CYP2F1: variants seen among roughly 807,000 people sequenced by gnomAD.
CYP2F1 encodes the protein cytochrome P450 family 2 subfamily F member 1.
Under a neutral mutation model 40.4 loss-of-function variants are expected in CYP2F1, and 33 were observed. The ratio of observed to expected loss-of-function variants is 0.82; its 90% CI spans 0.62 to 1.09. The LOEUF is 1.09. CYP2F1 is among the 50% of genes least tolerant of loss of function. The probability of loss-of-function intolerance (pLI) is 0.00; values close to 1 mark genes in which losing one functional copy is unlikely to be tolerated. For synonymous variants in CYP2F1, 235 were observed against 277.2 expected (o/e 0.85, Z 1.51); for missense variants, 566 against 655.7 (o/e 0.86, Z 1.49).
rs140968652 is a variant in CYP2F1, at chr19:41,116,240, C to T, written c.52C>T (p.Leu18=). The T allele has an allele frequency of 3.4e-4, 541 of 1,614,118 alleles. 1 individual carries two copies. The highest frequency in any genetic ancestry group is 4.3e-4 in the Non-Finnish European group (513 of 1,180,012). ...ILLLLLALVC[L]LLTLSSRDKG... Reference sequence around the variant, plus strand: ...ACTCCTGCTCCTGGCTCTCGTCTGTCTGCTCCTGACCCTAAGCTCAAGAGA... The same window carrying T: ...ACTCCTGCTCCTGGCTCTCGTCTGTTTGCTCCTGACCCTAAGCTCAAGAGA... The change falls in exon 2 of 10, where the codon CTG becomes TTG. Residue 18 remains leucine, a synonymous_variant. Transcript: ENST00000331105.
rs903000017 is a variant in CYP2F1, at chr19:41,128,164, T to C, written c.*82T>C. ...TACGTCCCCTTCTTGGTCCACAGTC[T>C]GCCCTCATCCCTCTGGCAGTCACGC... On this transcript the variant is annotated 3_prime_UTR_variant, in exon 10 of 10. Transcript: ENST00000331105. 12 of 1,383,144 alleles carry C rather than the reference T, an allele frequency of 8.7e-6. No homozygotes were observed. Among genetic ancestry groups the C allele is most frequent in the Non-Finnish European group, 1.2e-5 (12 of 1,026,096 alleles). 85.7% of individuals were successfully genotyped at this position (1,383,144 alleles called of 1,614,324 possible).
In CYP2F1 at chr19:41,128,124, G is replaced by GA. The variant is rs774602591; in HGVS notation, c.*42_*43insA. On this transcript the variant is annotated 3_prime_UTR_variant, in exon 10 of 10. Transcript: ENST00000331105. ...GATTCGCCTGTGAGCGATGAGGCCC[G>GA]CCCATGCGGGTTGCTACGTCCCCTT... The GA allele has an allele frequency of 6.5e-7, 1 of 1,541,454 alleles. No individual in the cohort carries two copies. The highest frequency in any genetic ancestry group is 8.7e-7 in the Non-Finnish European group (1 of 1,145,698).
chr19:41,119,721 CTCTA>C (rs1324111615), intron 3 of CYP2F1, among the ~76,000 whole-genome samples: 16 of 37,124 alleles, frequency 4.3e-4, no homozygotes, highest in Admixed American at 7.0e-4. Flanking sequence ...CTCTCTCTCT[CTCTA>C]TATATATATA....
intron 3 of CYP2F1, 68 bp downstream of exon 3, chr19:41,116,685 G>C: frequency 1.3e-6 from 2 of 1,536,696 alleles, no homozygotes; most frequent in Non-Finnish European, 1.8e-6. Flanking sequence ...GAGGGTGAGA[G>C]ACTGTTGTCT....
Position 41,121,441 on chromosome 19 carries a change from GC to G in CYP2F1, c.485-16del. 6.2e-7 allele frequency: 1 copy of G among 1,604,636 alleles called. No individual in the cohort carries two copies. The highest frequency in any genetic ancestry group is 8.5e-7 in the Non-Finnish European group (1 of 1,177,354). On this transcript the variant is annotated splice_polypyrimidine_tract_variant and intron_variant, in intron 4 of 9. Coordinates refer to ENST00000331105, the MANE Select transcript of CYP2F1 (RefSeq NM_000774.5). ...GCACATCGCGTCTTCCTGATCCATT[GC>G]ACTCCTTACCCTCAGGCGAGCCCTT...
chr19:41,122,070 G>A lies in CYP2F1; in HGVS notation c.759G>A (p.Gln253=). Residue 253 remains glutamine (Q), a synonymous_variant, in exon 6 of 10, where the codon CAG becomes CAA. Transcript: ENST00000331105. ...TCGCCCACAGCGTCCACGACCACCA[G>A]GCCTCGCTAGACCCCAGATCTCCCC... ...DLIAHSVHDH[Q]ASLDPRSPRD... 1 of 1,606,168 alleles carries A rather than the reference G, an allele frequency of 6.2e-7. No individual in the cohort carries two copies. Among genetic ancestry groups the A allele is most frequent in the Non-Finnish European group, 8.5e-7 (1 of 1,175,296 alleles).
chr19:41,122,109 G>A lies in CYP2F1; in HGVS notation c.798G>A (p.Gln266=). ...CCAGATCTCCCCGGGACTTCATCCA[G>A]TGCTTCCTCACCAAGATGGCAGAGG... ...LDPRSPRDFI[Q]CFLTKMAEEK... The change falls in exon 6 of 10, where the codon CAG becomes CAA. Residue 266 remains glutamine, a synonymous_variant. Transcript: ENST00000331105. The A allele has an allele frequency of 6.8e-7, 1 of 1,479,444 alleles. No homozygotes were observed. Among genetic ancestry groups the A allele is most frequent in the Non-Finnish European group, 9.3e-7 (1 of 1,080,494 alleles). 91.6% of individuals were successfully genotyped at this position (1,479,444 alleles called of 1,614,324 possible).
At chr19:41,119,748 T>TATATATATATATATATATATACACAC (rs1337166345) in intron 3 of CYP2F1, among the ~76,000 whole-genome samples, 2 of 36,076 alleles carry the variant, frequency 5.5e-5, no homozygotes, top group South Asian at 1.7e-3. Flanking sequence ...TATATATATA[T>TATATATATATATATATATATACACAC]ACACACACAC....
intron 9 of CYP2F1, among the ~76,000 whole-genome samples, chr19:41,127,100 A>G (rs2032574878): frequency 6.6e-6 from 1 of 152,168 alleles, no homozygotes; most frequent in Non-Finnish European, 1.5e-5. Context: ...CAGGGTTTGC[A>G]TCCCATCTGT....
chr19:41,120,258 C>G, intron 3 of CYP2F1, 89 bp from the exon 4 acceptor site: 1 of 1,333,182 alleles, frequency 7.5e-7, no homozygotes, highest in Non-Finnish European at 1.0e-6. Flanking sequence ...CTCTGTCTCT[C>G]TCCCAGCAAA....
At chr19:41,119,340 C>T (rs934968363) in intron 3 of CYP2F1, among the ~76,000 whole-genome samples, 4 of 152,268 alleles carry the variant, frequency 2.6e-5, no homozygotes, top group Admixed American at 6.5e-5. Flanking sequence ...AGGCCAGGCA[C>T]GATGGCTCAC....
chr19:41,122,909 A>AGCACCACGCT lies in CYP2F1; in HGVS notation c.920_929dup (p.Phe311AlafsTer66), dbSNP rs761918918. The AGCACCACGCT allele has an allele frequency of 2.1e-4, 340 of 1,610,572 alleles. No homozygotes were observed. The highest frequency in any genetic ancestry group is 1.7e-3 in the Admixed American group (100 of 59,692). On this transcript the variant is annotated frameshift_variant, in exon 7 of 10. Transcript: ENST00000331105. LOFTEE classifies it high-confidence loss of function. ...GCTCTTTGGCGGCACCAAGACGGTG[A>AGCACCACGCT]GCACCACGCTGCACCACGCCTTCCT...
chr19:41,124,983 C>G, intron 8 of CYP2F1, 77 bp downstream of exon 8: 1 of 1,316,618 alleles, frequency 7.6e-7, no homozygotes. Context: ...AAGGAGTATC[C>G]CAGGCACTAG....
At chr19:41,115,075 C>T (rs2031714171) in intron 1 of CYP2F1, among the ~76,000 whole-genome samples, 1 of 152,000 alleles carries the variant, frequency 6.6e-6, no homozygotes, top group African/African-American at 2.4e-5. Context: ...CGGCCTCAGT[C>T]TCTCTTGGTC....
intron 3 of CYP2F1, 51 bp downstream of exon 3, chr19:41,116,668 A>T (rs796628336): frequency 1.9e-6 from 3 of 1,584,860 alleles, no homozygotes; most frequent in African/African-American, 2.7e-5. Flanking sequence ...ATATTGAGGG[A>T]GGGGGTGAGG....
intron 7 of CYP2F1, among the ~76,000 whole-genome samples, chr19:41,124,255 C>CTCCT (rs2032412278): frequency 5.7e-5 from 2 of 35,250 alleles, no homozygotes; most frequent in African/African-American, 2.4e-4. Flanking sequence ...TCCCCCCCCC[C>CTCCT]TTTTTTTTTT....
At chr19:41,116,707 A>T (rs2031833938) in intron 3 of CYP2F1, 90 bp downstream of exon 3, 1 of 1,444,624 alleles carries the variant, frequency 6.9e-7, no homozygotes, top group South Asian at 1.2e-5. Flanking sequence ...AATCTTGTTG[A>T]CACTCAGGGC....
In CYP2F1 at chr19:41,128,314, G is replaced by T. The variant is rs536164183; in HGVS notation, c.*232G>T. On this transcript the variant is annotated 3_prime_UTR_variant, in exon 10 of 10. Transcript: ENST00000331105. Reference sequence around the variant, plus strand: ...ACCCACAGAGCTTGTTCTATGGCACGCCCTTTTCTAGGCTTTTTGTATCAT... The same window carrying T: ...ACCCACAGAGCTTGTTCTATGGCACTCCCTTTTCTAGGCTTTTTGTATCAT... 25 of 471,086 alleles carry T rather than the reference G, an allele frequency of 5.3e-5. No individual in the cohort carries two copies. The highest frequency in any genetic ancestry group is 8.8e-5 in the Non-Finnish European group (24 of 273,042). 29.2% of individuals were successfully genotyped at this position (471,086 alleles called of 1,614,324 possible). A position where few individuals can be genotyped will look rare whatever the true frequency, so the allele number is the denominator to read the frequency against.
Position 41,116,690 on chromosome 19 carries a change from T to C in CYP2F1, c.334+73T>C, listed in dbSNP as rs989250358. On this transcript the variant is annotated intron_variant, in intron 3 of 9. Coordinates refer to ENST00000331105, the MANE Select transcript of CYP2F1 (RefSeq NM_000774.5). ...GGGAGGGGGTGAGGGTGAGAGACTG[T>C]TGTCTCAATCTTGTTGACACTCAGG... is the stretch of plus-strand genomic sequence containing the variant. 1.3e-5 allele frequency: 20 copies of C among 1,516,948 alleles called. No homozygotes were observed. The African/African-American group carries it at 2.2e-4, about 17-fold the overall frequency. 94.0% of individuals were successfully genotyped at this position (1,516,948 alleles called of 1,614,324 possible).
Sources: gnomAD v4.1 joint callset for allele counts (sites outside exome capture counted in the v4.1 genomes callset) on GRCh38, gnomAD v4.1.1 for gene constraint, MANE v1.5 for transcripts, NCBI Gene and HGNC (gene_info 2026-07-23, HGNC 2026-07-21) for gene names.